CDK14: variants seen among roughly 807,000 people sequenced by gnomAD.
CDK14 encodes the protein cyclin-dependent kinase 14.
A neutral mutation model predicts 60.7 loss-of-function variants in CDK14; 34 were observed. The observed-to-expected ratio is 0.56, with a 90% CI of 0.43 to 0.75. The LOEUF (loss-of-function observed/expected upper bound fraction) is 0.75, where lower values mean the gene tolerates loss of function less well. CDK14 is among the 30% of genes least tolerant of loss of function. The pLI is 0.00. For synonymous variants in CDK14, 197 were observed against 203.7 expected (o/e 0.97, Z 0.28); for missense variants, 482 against 564.1 (o/e 0.85, Z 1.47).
rs536613255 is a variant in CDK14, at chr7:90,894,851, T to C, written c.640-4440T>C. ...AGGATCACATTAACATATGTTTTTA[T>C]ATTGAACTATTTCTCATTTCTAAGA... is the stretch of plus-strand genomic sequence containing the variant. On this transcript the variant is annotated intron_variant, in intron 6 of 14. Transcript: ENST00000380050. Among the ~76,000 whole-genome samples, 5 of 152,350 alleles carry C rather than the reference T, an allele frequency of 3.3e-5. No individual in the cohort carries two copies. In the South Asian group the frequency reaches 8.3e-4, roughly 25 times the overall value.
chr7:91,148,120 A>G (rs1389702325), intron 14 of CDK14, among the ~76,000 whole-genome samples: 1 of 152,174 alleles, frequency 6.6e-6, no homozygotes, highest in East Asian at 1.9e-4. Context: ...CACGCCTGTA[A>G]TCTCAGCACT....
At chr7:91,102,129 A>G (rs1799161738) in intron 12 of CDK14, among the ~76,000 whole-genome samples, 1 of 152,170 alleles carries the variant, frequency 6.6e-6, no homozygotes, top group Non-Finnish European at 1.5e-5. Context: ...CCGCATTGGT[A>G]TCCTTGCCAC....
rs77011799 is a variant in CDK14 at position 90,797,937 on chromosome 7, A to G, written c.544+7285A>G. Among the ~76,000 whole-genome samples, 591 of 152,074 alleles carry G rather than the reference A, an allele frequency of 3.9e-3. 13 individuals are homozygous for G. Among genetic ancestry groups the G allele is most frequent in the African/African-American group, 0.014 (562 of 41,362 alleles). On this transcript the variant is annotated intron_variant, in intron 5 of 14. Coordinates refer to ENST00000380050, the MANE Select transcript of CDK14 (RefSeq NM_001287135.2). ...GGGATTACAATTCAACATGAGATTTAGGTGAGGGCACAGACTCAAACCATG... is the reference window on the plus strand; with the variant it reads ...GGGATTACAATTCAACATGAGATTTGGGTGAGGGCACAGACTCAAACCATG...
chr7:90,675,660 T>G (rs1259894861), intron 2 of CDK14, among the ~76,000 whole-genome samples: 2 of 152,334 alleles, frequency 1.3e-5, no homozygotes, highest in East Asian at 3.9e-4. Context: ...TTCTCTTTTC[T>G]GTATATATGC....
intron 11 of CDK14, among the ~76,000 whole-genome samples, chr7:91,073,509 A>G (rs1193403938): frequency 6.6e-6 from 1 of 152,194 alleles, no homozygotes; most frequent in East Asian, 1.9e-4. Context: ...GAAGCACTAA[A>G]TATGGAAAGG....
chr7:90,831,706 A>C (rs1584023584), intron 5 of CDK14, among the ~76,000 whole-genome samples: 3 of 149,674 alleles, frequency 2.0e-5, no homozygotes, highest in Admixed American at 1.3e-4. Context: ...TTTTTCCCCC[A>C]CCCTTTTCCC....
chr7:90,699,980 T>C (rs917690748), intron 2 of CDK14, among the ~76,000 whole-genome samples: 3 of 152,140 alleles, frequency 2.0e-5, no homozygotes, highest in African/African-American at 4.8e-5. Context: ...AGAATAAATA[T>C]TGGGGAGAGG....
intron 10 of CDK14, among the ~76,000 whole-genome samples, chr7:91,021,889 G>T (rs1406031091): frequency 6.6e-6 from 1 of 152,186 alleles, no homozygotes; most frequent in East Asian, 1.9e-4. Flanking sequence ...GAATATAGGT[G>T]CCAGTGCTAT....
intron 14 of CDK14, among the ~76,000 whole-genome samples, chr7:91,183,237 GCA>G (rs1802060952): frequency 6.6e-6 from 1 of 152,202 alleles, no homozygotes; most frequent in South Asian, 2.1e-4. Context: ...TACTAAAACA[GCA>G]CAGAGTTTGT....
At chr7:91,125,156 C>T (rs1382921976) in intron 14 of CDK14, among the ~76,000 whole-genome samples, 3 of 152,176 alleles carry the variant, frequency 2.0e-5, no homozygotes, top group Admixed American at 6.5e-5. Flanking sequence ...AAACTATTCC[C>T]GCTGTCCCAT....
chr7:91,125,995 A>C (rs1183788826), intron 14 of CDK14, among the ~76,000 whole-genome samples: 1 of 152,200 alleles, frequency 6.6e-6, no homozygotes, highest in Non-Finnish European at 1.5e-5. Context: ...GTGCAATTAA[A>C]TCATGTACAG....
At chr7:91,010,960 TA>T (rs1455433955) in intron 10 of CDK14, among the ~76,000 whole-genome samples, 1 of 151,286 alleles carries the variant, frequency 6.6e-6, no homozygotes, top group Admixed American at 6.6e-5. Context: ...GCATTGTTCT[TA>T]AACTCAGGTG....
intron 14 of CDK14, among the ~76,000 whole-genome samples, chr7:91,132,955 A>G (rs1562918406): frequency 1.3e-5 from 2 of 152,178 alleles, no homozygotes; most frequent in Non-Finnish European, 2.9e-5. Flanking sequence ...ATTTTAAGTT[A>G]AAGAATATGC....
chr7:90,727,807 A>G (rs1362972946), intron 3 of CDK14, among the ~76,000 whole-genome samples: 2 of 152,100 alleles, frequency 1.3e-5, no homozygotes, highest in South Asian at 2.1e-4. Flanking sequence ...TTTAATATAG[A>G]TTGGTTAACC....
At chr7:90,650,001 AT>A (rs1800596272) in intron 2 of CDK14, among the ~76,000 whole-genome samples, 1 of 152,152 alleles carries the variant, frequency 6.6e-6, no homozygotes, top group African/African-American at 2.4e-5. Context: ...GTCAAAAGGT[AT>A]TTCTAGTTCT....
chr7:90,732,575 G>T (rs1802912706), intron 3 of CDK14, among the ~76,000 whole-genome samples: 1 of 152,122 alleles, frequency 6.6e-6, no homozygotes, highest in Non-Finnish European at 1.5e-5. Context: ...TTAGGAGGGT[G>T]TATGTGTCCA....
intron 11 of CDK14, among the ~76,000 whole-genome samples, chr7:91,049,149 T>G (rs1012814849): frequency 6.6e-6 from 1 of 152,196 alleles, no homozygotes; most frequent in Non-Finnish European, 1.5e-5. Flanking sequence ...CCCAAAGTGC[T>G]GGGATTACAG....
intron 5 of CDK14, among the ~76,000 whole-genome samples, chr7:90,846,159 C>A (rs1409698197): frequency 1.3e-5 from 2 of 152,144 alleles, no homozygotes; most frequent in Non-Finnish European, 2.9e-5. Context: ...CTTCTTCCCC[C>A]AAACTCAAGT....
chr7:91,041,963 T>C (rs1008268270), intron 10 of CDK14, among the ~76,000 whole-genome samples: 8 of 152,290 alleles, frequency 5.3e-5, no homozygotes, highest in African/African-American at 1.9e-4. Flanking sequence ...CCACAATGCG[T>C]AGACAGATGA....
Sources: gnomAD v4.1 joint callset for allele counts (sites outside exome capture counted in the v4.1 genomes callset) on GRCh38, gnomAD v4.1.1 for gene constraint, MANE v1.5 for transcripts, NCBI Gene and HGNC (gene_info 2026-07-23, HGNC 2026-07-21) for gene names.